The following MS4A6A variants were observed in gnomAD, a reference collection of about 807,000 sequenced individuals.
MS4A6A encodes the protein membrane-spanning 4-domains subfamily A member 6A.
Under a neutral mutation model 20.6 loss-of-function variants are expected in MS4A6A, and 19 were observed. The ratio of observed to expected loss-of-function variants is 0.92; its 90% CI spans 0.64 to 1.36. The LOEUF is 1.36. MS4A6A is among the 40% of genes most tolerant of loss of function. The probability of loss-of-function intolerance (pLI) is 0.00; values close to 1 mark genes in which losing one functional copy is unlikely to be tolerated. For missense variants in MS4A6A, 272 were observed against 261.1 expected, an observed-to-expected ratio of 1.04 and a Z score of -0.29; for synonymous variants, 108 against 105.0, an observed-to-expected ratio of 1.03 and a Z score of -0.17.
At chr11:60,171,935 T>C (rs1033976834), downstream of MS4A6A, 5 of 379,860 alleles carry the variant, frequency 1.3e-5, no homozygotes, top group Non-Finnish European at 2.4e-5. Context: ...ATCTAGTAAA[T>C]GGTAATTTAC....
chr11:60,172,562 G>C lies in MS4A6A; in HGVS notation c.*439C>G. On this transcript the variant is annotated 3_prime_UTR_variant, in exon 6 of 6. Coordinates refer to ENST00000528851, the MANE Select transcript of MS4A6A (RefSeq NM_022349.4). The stretch of plus-strand genomic sequence containing the variant: ...CAAACGAATTTTAAGATCACCAGGG[G>C]CAAATGCAGAGCATAAGACATTCAC... 8.9e-7 allele frequency: 1 copy of C among 1,124,324 alleles called. No individual in the cohort carries two copies. The highest frequency in any genetic ancestry group is 1.6e-5 in the African/African-American group (1 of 62,914). 69.6% of individuals were successfully genotyped at this position (1,124,324 alleles called of 1,614,324 possible). A position where few individuals can be genotyped will look rare whatever the true frequency, so the allele number is the denominator to read the frequency against.
chr11:60,178,226 C>A (rs1483848141), intron 4 of MS4A6A, 34 bp downstream of exon 4: 2 of 1,571,722 alleles, frequency 1.3e-6, no homozygotes, highest in South Asian at 1.1e-5. Flanking sequence ...TTATTTTGAT[C>A]CATTGGGTTG....
intron 4 of MS4A6A, among the ~76,000 whole-genome samples, chr11:60,175,890 T>G (rs1856812974): frequency 6.6e-6 from 1 of 152,130 alleles, no homozygotes; most frequent in South Asian, 2.1e-4. Flanking sequence ...CCAGGACAGA[T>G]AGCAGGGCTT....
At chr11:60,175,708 C>A in intron 4 of MS4A6A, 97 bp from the exon 5 acceptor site, 1 of 1,292,442 alleles carries the variant, frequency 7.7e-7, no homozygotes, top group South Asian at 1.4e-5. Context: ...TTATCTGTCC[C>A]CTCAGGAGGT....
chr11:60,181,498 C>A, intron 2 of MS4A6A, 83 bp downstream of exon 2: 2 of 1,558,914 alleles, frequency 1.3e-6, no homozygotes, highest in Non-Finnish European at 1.7e-6. Flanking sequence ...TCCACACTCA[C>A]GACAGATGTC....
intron 1 of MS4A6A, 109 bp downstream of exon 1, chr11:60,182,869 G>T: frequency 2.3e-6 from 1 of 436,088 alleles, no homozygotes; most frequent in Non-Finnish European, 3.6e-6. Flanking sequence ...TTTCCAAAAG[G>T]CCCTAGTGTC....
At chr11:60,172,072 A>G, downstream of MS4A6A, 4 of 1,324,720 alleles carry the variant, frequency 3.0e-6, no homozygotes, top group Non-Finnish European at 4.2e-6. Flanking sequence ...ACATTTAGGA[A>G]ACTCAAGCTT....
intron 3 of MS4A6A, 96 bp downstream of exon 3, chr11:60,179,735 G>A: frequency 1.4e-6 from 2 of 1,437,636 alleles, no homozygotes; most frequent in Non-Finnish European, 2.0e-6. Flanking sequence ...GCTCCTGGCA[G>A]ATCAAACATA....
In MS4A6A at chr11:60,173,081, C is replaced by G; in HGVS notation, c.598G>C (p.Ala200Pro). The G allele has an allele frequency of 6.2e-7, 1 of 1,614,114 alleles. No individual in the cohort carries two copies. Among genetic ancestry groups the G allele is most frequent in the Non-Finnish European group, 8.5e-7 (1 of 1,179,982 alleles). The change falls in exon 6 of 6, where the codon GCT (alanine) becomes CCT (proline). Residue 200 changes from alanine to proline, a missense_variant. By Grantham distance (27) the Ala-to-Pro change is conservative. Transcript: ENST00000528851. Reference protein sequence around the residue: ...LICTLLEFCLAVLTAVLRWKQ... With the variant: ...LICTLLEFCLPVLTAVLRWKQ... ...CACCGCAGCACAGCAGTGAGCACAG[C>G]TAGGCAGAATTCCAGCAGAGTGCAA...
At chr11:60,182,015 A>G (rs950507085) in intron 1 of MS4A6A, among the ~76,000 whole-genome samples, 6 of 152,222 alleles carry the variant, frequency 3.9e-5, no homozygotes, top group Non-Finnish European at 7.3e-5. Context: ...GCAAATGGTC[A>G]CACAAAATTT....
Position 60,181,569 on chromosome 11 carries a change from A to T in MS4A6A, c.147+12T>A. On this transcript the variant is annotated intron_variant, in intron 2 of 5. Transcript: ENST00000528851. ...CCCAACCCCTCTCCAACACGTTCTGAATTAGATTTACCCCAATAACTTTGA... is the reference window on the plus strand; with the variant it reads ...CCCAACCCCTCTCCAACACGTTCTGTATTAGATTTACCCCAATAACTTTGA... 1.2e-6 allele frequency: 2 copies of T among 1,613,868 alleles called. No homozygotes were observed. The highest frequency in any genetic ancestry group is 1.7e-6 in the Non-Finnish European group (2 of 1,179,870).
Position 60,182,981 on chromosome 11 carries a change from T to C in MS4A6A, c.-18A>G. On this transcript the variant is annotated 5_prime_UTR_variant, in exon 1 of 6. Coordinates refer to ENST00000528851, the MANE Select transcript of MS4A6A (RefSeq NM_022349.4). ...AAAGTCTTCCAGCATTACCTACCTG[T>C]GCCCGTTGGTTCCAGCTGAGTCCTC... is the stretch of plus-strand genomic sequence containing the variant. 2.9e-6 allele frequency: 4 copies of C among 1,381,544 alleles called. No homozygotes were observed. The highest frequency in any genetic ancestry group is 2.8e-5 in the East Asian group (1 of 35,684). The allele number at this position is 1,381,544 out of a possible 1,614,324, so 85.6% of individuals were successfully genotyped here.
chr11:60,181,972 A>G (rs1335572273), intron 1 of MS4A6A, among the ~76,000 whole-genome samples: 1 of 152,248 alleles, frequency 6.6e-6, no homozygotes, highest in East Asian at 1.9e-4. Context: ...GGGTGGCAGC[A>G]ACATGAATCT....
Position 60,178,305 on chromosome 11 carries a change from A to G in MS4A6A, c.294T>C (p.Ser98=), listed in dbSNP as rs1565101543. Residue 98 remains serine, a synonymous_variant, in exon 4 of 6, where the codon TCT becomes TCC. Transcript: ENST00000528851. The part of the protein sequence containing the change: ...PFIGPFFFII[S]GSLSIATEKR... ...TCTCTGTGGCGATTGATAGAGAGCC[A>G]GAGATGATAAACTAAGATAAAAGAG... 1 of 1,613,652 alleles carries G rather than the reference A, an allele frequency of 6.2e-7. No homozygotes were observed. Among genetic ancestry groups the G allele is most frequent in the Non-Finnish European group, 8.5e-7 (1 of 1,179,590 alleles).
intron 3 of MS4A6A, chr11:60,178,837 CA>C (rs5792172): frequency 0.4 from 152,806 of 379,324 alleles, 24,265 homozygotes; most frequent in South Asian, 0.51. Flanking sequence ...CTCTAAACAT[CA>C]AAAAAAAAAA....
At chr11:60,173,177 C>T in intron 5 of MS4A6A, 48 bp from the exon 6 acceptor site, 1 of 1,539,148 alleles carries the variant, frequency 6.5e-7, no homozygotes, top group Non-Finnish European at 9.0e-7. Flanking sequence ...TCAGCTGAAG[C>T]CTTCATGCCT....
At chr11:60,181,520 C>T (rs1248267692) in intron 2 of MS4A6A, 61 bp downstream of exon 2, 2 of 1,590,974 alleles carry the variant, frequency 1.3e-6, no homozygotes, top group Non-Finnish European at 1.7e-6. Context: ...AGTCCCAAGA[C>T]ATATATCATC....
chr11:60,177,636 T>C (rs1590673816), intron 4 of MS4A6A, among the ~76,000 whole-genome samples: 1 of 152,300 alleles, frequency 6.6e-6, no homozygotes, highest in South Asian at 2.1e-4. Flanking sequence ...CAAGAATTTA[T>C]ACTCAAACAA....
chr11:60,180,013 A>G (rs758814336), intron 2 of MS4A6A, 48 bp from the exon 3 acceptor site: 14 of 1,593,028 alleles, frequency 8.8e-6, no homozygotes, highest in African/African-American at 1.3e-5. Context: ...GCATTTGTAA[A>G]GACAGGGCCT....
Sources: gnomAD v4.1 joint callset for allele counts (sites outside exome capture counted in the v4.1 genomes callset) on GRCh38, gnomAD v4.1.1 for gene constraint, MANE v1.5 for transcripts, NCBI Gene and HGNC (gene_info 2026-07-23, HGNC 2026-07-21) for gene names.